ZBTB8B: variants seen among roughly 807,000 people sequenced by gnomAD.
The protein encoded by ZBTB8B is zinc finger and BTB domain containing 8B, also known as zinc finger and BTB domain-containing protein 8B.
A neutral mutation model predicts 30.3 loss-of-function variants in ZBTB8B; 17 were observed. The ratio of observed to expected loss-of-function variants is 0.56; its 90% CI spans 0.38 to 0.84. ZBTB8B has a LOEUF of 0.84. Among genes scored for constraint, ZBTB8B ranks in the 40% least tolerant of loss-of-function variants. The pLI is 0.00. For synonymous variants in ZBTB8B, 248 were observed against 255.6 expected, an observed-to-expected ratio of 0.97 and a Z score of 0.28; for missense variants, 515 against 644.9, an observed-to-expected ratio of 0.80 and a Z score of 2.18.
rs1643783967 is a variant in ZBTB8B at position 32,492,220 on chromosome 1, T to A, written c.*6802T>A. The stretch of plus-strand genomic sequence containing the variant: ...ACATTATTGAATGGACATGTCTGAG[T>A]ATTCCATCAGTCATATTTTGATGGG... On this transcript the variant is annotated 3_prime_UTR_variant, in exon 4 of 4. Coordinates refer to ENST00000609129, the MANE Select transcript of ZBTB8B (RefSeq NM_001145720.2). 6.6e-6 allele frequency: 1 copy of A among 152,664 alleles called. No homozygotes were observed. The highest frequency in any genetic ancestry group is 6.5e-5 in the Admixed American group (1 of 15,268). The allele number at this position is 152,664 out of a possible 1,614,324, so 9.5% of individuals were successfully genotyped here. A position where few individuals can be genotyped will look rare whatever the true frequency, so the allele number is the denominator to read the frequency against.
intron 2 of ZBTB8B, among the ~76,000 whole-genome samples, chr1:32,479,598 C>T (rs1643689803): frequency 6.6e-6 from 1 of 152,216 alleles, no homozygotes; most frequent in Non-Finnish European, 1.5e-5. Context: ...TCCATAACTT[C>T]TGCATCCGTG....
At chr1:32,483,870 G>C (rs751048534) in intron 3 of ZBTB8B, among the ~76,000 whole-genome samples, 1 of 150,904 alleles carries the variant, frequency 6.6e-6, no homozygotes, top group African/African-American at 2.4e-5. Flanking sequence ...TTCAAGTCCA[G>C]CTTGGGCAAC....
chr1:32,483,424 C>CA (rs1041669913), intron 3 of ZBTB8B, among the ~76,000 whole-genome samples: 35 of 150,906 alleles, frequency 2.3e-4, no homozygotes, highest in East Asian at 5.9e-4. Flanking sequence ...GACGGCGTCT[C>CA]AAAAAAAACA....
At position 32,491,743 on chromosome 1, in the gene ZBTB8B, T is replaced by C. The variant is rs997707260; in HGVS notation, c.*6325T>C. On this transcript the variant is annotated 3_prime_UTR_variant, in exon 4 of 4. Transcript: ENST00000609129. Reference sequence around the variant, plus strand: ...GCTGAGGCTTCCTATCAGGCATTTATAGTTCTCCCAGTCCAGATGCAGTTT... The same window carrying C: ...GCTGAGGCTTCCTATCAGGCATTTACAGTTCTCCCAGTCCAGATGCAGTTT... The C allele has an allele frequency of 6.6e-6, 1 of 152,252 alleles. No homozygotes were observed. Among genetic ancestry groups the C allele is most frequent in the Non-Finnish European group, 1.5e-5 (1 of 68,056 alleles). The allele number at this position is 152,252 out of a possible 1,614,324, so 9.4% of individuals were successfully genotyped here.
intron 1 of ZBTB8B, among the ~76,000 whole-genome samples, chr1:32,466,047 A>T (rs1369849235): frequency 1.3e-5 from 2 of 152,198 alleles, no homozygotes; most frequent in Admixed American, 6.5e-5. Flanking sequence ...CCTTTTAAAA[A>T]TTTTAATTTA....
Position 32,486,000 on chromosome 1 carries a change from A to G in ZBTB8B, c.*582A>G, listed in dbSNP as rs1357487063. 1 of 153,576 alleles carries G rather than the reference A, an allele frequency of 6.5e-6. No individual in the cohort carries two copies. The highest frequency in any genetic ancestry group is 2.4e-5 in the African/African-American group (1 of 41,470). The allele number at this position is 153,576 out of a possible 1,614,324, so 9.5% of individuals were successfully genotyped here. Reference sequence around the variant, plus strand: ...TTGGAATACTTATGGGCAGACGAACATGGGAATGATCTGAAAGGCTCATTA... The same window carrying G: ...TTGGAATACTTATGGGCAGACGAACGTGGGAATGATCTGAAAGGCTCATTA... On this transcript the variant is annotated 3_prime_UTR_variant, in exon 4 of 4. Transcript: ENST00000609129.
At position 32,486,951 on chromosome 1, in the gene ZBTB8B, T is replaced by C. The variant is rs187540990; in HGVS notation, c.*1533T>C. Reference sequence around the variant, plus strand: ...CCACTTTCCAGCCACACAATTATTGTAACAAAAGAGGCTGAACTCTTTAAA... The same window carrying C: ...CCACTTTCCAGCCACACAATTATTGCAACAAAAGAGGCTGAACTCTTTAAA... On this transcript the variant is annotated 3_prime_UTR_variant, in exon 4 of 4. Transcript: ENST00000609129. 6.6e-6 allele frequency: 1 copy of C among 152,302 alleles called. No homozygotes were observed. Among genetic ancestry groups the C allele is most frequent in the East Asian group, 1.9e-4 (1 of 5,190 alleles). 9.4% of individuals were successfully genotyped at this position (152,302 alleles called of 1,614,324 possible). A position where few individuals can be genotyped will look rare whatever the true frequency, so the allele number is the denominator to read the frequency against.
rs969808714 is a variant in ZBTB8B, at chr1:32,471,090, G to C, written c.466G>C (p.Val156Leu). ...GGCGGCAGCAGCGGCGGCTCATCAG[G>C]TTGACAGTGAAAGCCCCAGTTCAGG... ...AAAAAAAAHQ[V>L]DSESPSSGRE... is the part of the protein sequence containing the mutation. The change falls in exon 2 of 4, where the codon GTT becomes CTT. Residue 156 changes from valine to leucine, a missense_variant. Physicochemically the swap from Val to Leu is conservative, Grantham distance 32 (BLOSUM62 1). Coordinates refer to ENST00000609129, the MANE Select transcript of ZBTB8B (RefSeq NM_001145720.2). 12 of 1,551,140 alleles carry C rather than the reference G, an allele frequency of 7.7e-6. No individual in the cohort carries two copies. The Admixed American group carries it at 1.8e-4, about 23-fold the overall frequency.
chr1:32,473,199 A>T (rs1225945895), intron 2 of ZBTB8B, among the ~76,000 whole-genome samples: 1 of 152,186 alleles, frequency 6.6e-6, no homozygotes, highest in Non-Finnish European at 1.5e-5. Context: ...CCAGTTACTC[A>T]GGAGGCTGAG....
At chr1:32,469,193 T>A (rs1643596765) in intron 1 of ZBTB8B, among the ~76,000 whole-genome samples, 1 of 149,886 alleles carries the variant, frequency 6.7e-6, no homozygotes, top group African/African-American at 2.5e-5. Flanking sequence ...CCAAGACCCT[T>A]CCTCTAAAAA....
At chr1:32,475,410 G>C (rs12135475) in intron 2 of ZBTB8B, among the ~76,000 whole-genome samples, 11,944 of 151,856 alleles carry the variant, frequency 0.079, 641 homozygotes, top group African/African-American at 0.16. Flanking sequence ...GGTGAAACCC[G>C]GTCTCTACTA....
chr1:32,480,659 T>C (rs1030170991), intron 2 of ZBTB8B, among the ~76,000 whole-genome samples: 5 of 152,230 alleles, frequency 3.3e-5, no homozygotes, highest in Non-Finnish European at 5.9e-5. Context: ...TGGTGCCTTA[T>C]AGCATTCCCG....
intron 1 of ZBTB8B, among the ~76,000 whole-genome samples, chr1:32,469,199 A>G (rs1255725717): frequency 6.6e-6 from 1 of 151,732 alleles, no homozygotes; most frequent in Non-Finnish European, 1.5e-5. Flanking sequence ...CCCTTCCTCT[A>G]AAAAAGAAAA....
chr1:32,476,788 CAAAA>C (rs77792479), intron 2 of ZBTB8B, among the ~76,000 whole-genome samples: 1 of 84,790 alleles, frequency 1.2e-5, no homozygotes, highest in African/African-American at 4.4e-5. Flanking sequence ...GACTCTGTCT[CAAAA>C]AAAAAAAAAA....
In ZBTB8B at chr1:32,487,071, A is replaced by C. The variant is rs546955141; in HGVS notation, c.*1653A>C. 1 of 152,358 alleles carries C rather than the reference A, an allele frequency of 6.6e-6. No individual in the cohort carries two copies. Among genetic ancestry groups the C allele is most frequent in the Non-Finnish European group, 1.5e-5 (1 of 68,036 alleles). 9.4% of individuals were successfully genotyped at this position (152,358 alleles called of 1,614,324 possible). A position where few individuals can be genotyped will look rare whatever the true frequency, so the allele number is the denominator to read the frequency against. On this transcript the variant is annotated 3_prime_UTR_variant, in exon 4 of 4. Coordinates refer to ENST00000609129, the MANE Select transcript of ZBTB8B (RefSeq NM_001145720.2). ...GTTAAAATATCCAAAATGGATTTTA[A>C]AAGAAATCTTCTTGTCTTCCTTTAA...
Position 32,490,161 on chromosome 1 carries a change from T to A in ZBTB8B, c.*4743T>A, listed in dbSNP as rs1643770069. 1 of 152,226 alleles carries A rather than the reference T, an allele frequency of 6.6e-6. No homozygotes were observed. The highest frequency in any genetic ancestry group is 1.5e-5 in the Non-Finnish European group (1 of 68,062). 9.4% of individuals were successfully genotyped at this position (152,226 alleles called of 1,614,324 possible). On this transcript the variant is annotated 3_prime_UTR_variant, in exon 4 of 4. Coordinates refer to ENST00000609129, the MANE Select transcript of ZBTB8B (RefSeq NM_001145720.2). The stretch of plus-strand genomic sequence containing the variant: ...TGGAACTCTAGATTTTTCTTGTGTG[T>A]GTCCCTTGTGCATTAAGAGAATGAT...
At chr1:32,475,113 A>T (rs1178239223) in intron 2 of ZBTB8B, among the ~76,000 whole-genome samples, 6 of 152,228 alleles carry the variant, frequency 3.9e-5, no homozygotes, top group Admixed American at 3.9e-4. Context: ...TTTTTATTTC[A>T]TTCATACGGC....
Position 32,483,244 on chromosome 1 carries a change from C to CAAAAA in ZBTB8B, c.1171-1830_1171-1826dup, listed in dbSNP as rs59559091. Among the ~76,000 whole-genome samples, 79 of 56,366 alleles carry CAAAAA rather than the reference C, an allele frequency of 1.4e-3. 15 individuals carry two copies. The highest frequency in any genetic ancestry group is 3.6e-3 in the East Asian group (5 of 1,396). 37.0% of individuals were successfully genotyped at this position (56,366 alleles called of 152,430 possible). On this transcript the variant is annotated intron_variant, in intron 3 of 3. Coordinates refer to ENST00000609129, the MANE Select transcript of ZBTB8B (RefSeq NM_001145720.2). ...CGAAACCCCTTATCTACTAAAAATCCAAAAAAAAAAAAAAAAAAAAAAAAA... is the reference window on the plus strand; with the variant it reads ...CGAAACCCCTTATCTACTAAAAATCCAAAAAAAAAAAAAAAAAAAAAAAAAAAAAA...
intron 1 of ZBTB8B, 51 bp from the exon 2 acceptor site, chr1:32,470,526 AGAAATCT>A: frequency 9.7e-7 from 1 of 1,035,280 alleles, no homozygotes; most frequent in East Asian, 3.1e-5. Context: ...AAAAAAAAAA[AGAAATCT>A]TGTTTGTAAA....
Sources: gnomAD v4.1 joint callset for allele counts (sites outside exome capture counted in the v4.1 genomes callset) on GRCh38, gnomAD v4.1.1 for gene constraint, MANE v1.5 for transcripts, NCBI Gene and HGNC (gene_info 2026-07-23, HGNC 2026-07-21) for gene names.